PALS1: variants seen among roughly 807,000 people sequenced by gnomAD.
PALS1 encodes the protein protein PALS1.
In PALS1, 31 loss-of-function variants were observed where a neutral mutation model predicts 78.9. That is an observed-to-expected ratio of 0.39 (90% CI 0.30 to 0.53). PALS1 has a LOEUF of 0.53. PALS1 is among the 20% of genes least tolerant of loss of function. The probability of loss-of-function intolerance (pLI) is 0.67; values close to 1 mark genes in which losing one functional copy is unlikely to be tolerated. For missense variants in PALS1, 704 were observed against 826.5 expected (o/e 0.85, Z 1.82); for synonymous variants, 276 against 270.9 (o/e 1.02, Z -0.18).
At chr14:67,324,896 C>CTTTTTTT (rs2085326609) in intron 14 of PALS1, among the ~76,000 whole-genome samples, 1 of 114,454 alleles carries the variant, frequency 8.7e-6, no homozygotes, top group African/African-American at 4.0e-5. Flanking sequence ...GCCTTCCTTT[C>CTTTTTTT]ATTTTTTTTT....
chr14:67,250,369 A>ATT (rs2084048210), intron 1 of PALS1, among the ~76,000 whole-genome samples: 1 of 152,224 alleles, frequency 6.6e-6, no homozygotes, highest in Non-Finnish European at 1.5e-5. Context: ...AGACACTCAA[A>ATT]TATTTACTGA....
In PALS1 at chr14:67,312,887, C is replaced by G. The variant is rs551040007; in HGVS notation, c.1225+177C>G. Among the ~76,000 whole-genome samples, 3 of 152,228 alleles carry G rather than the reference C, an allele frequency of 2.0e-5. No individual in the cohort carries two copies. In the South Asian group the frequency reaches 6.2e-4, roughly 32 times the overall value. On this transcript the variant is annotated intron_variant, in intron 9 of 14. Transcript: ENST00000261681. ...CGTAAGTATATTAAATAGAATGTGGCCAATTCTTTGGCCTTTAGAATGGAA... is the reference window on the plus strand; with the variant it reads ...CGTAAGTATATTAAATAGAATGTGGGCAATTCTTTGGCCTTTAGAATGGAA...
At chr14:67,259,385 C>T (rs1052634919) in intron 1 of PALS1, among the ~76,000 whole-genome samples, 5 of 151,656 alleles carry the variant, frequency 3.3e-5, no homozygotes, top group Admixed American at 2.0e-4. Context: ...CCAAGGCAGG[C>T]GGATCACTTG....
chr14:67,265,814 G>T (rs144831089), intron 1 of PALS1, among the ~76,000 whole-genome samples: 1 of 147,502 alleles, frequency 6.8e-6, no homozygotes, highest in African/African-American at 2.5e-5. Context: ...CCAAAATCGC[G>T]CCACTGCACT....
intron 3 of PALS1, among the ~76,000 whole-genome samples, chr14:67,288,503 T>G (rs895555659): frequency 3.3e-5 from 5 of 152,180 alleles, no homozygotes; most frequent in African/African-American, 1.2e-4. Flanking sequence ...ACTCCATCTT[T>G]ACGAAGAAAA....
chr14:67,294,192 GT>G (rs1364382001), intron 4 of PALS1, among the ~76,000 whole-genome samples: 3 of 152,254 alleles, frequency 2.0e-5, no homozygotes, highest in African/African-American at 7.2e-5. Context: ...TTTTCTGAAA[GT>G]TTGCTTTCAC....
chr14:67,272,251 C>A (rs2084420388), intron 2 of PALS1, among the ~76,000 whole-genome samples: 1 of 152,186 alleles, frequency 6.6e-6, no homozygotes, highest in Non-Finnish European at 1.5e-5. Context: ...GTCCTATCTT[C>A]CACTACTCTC....
chr14:67,243,556 A>C (rs534687566), intron 1 of PALS1, among the ~76,000 whole-genome samples: 3 of 139,632 alleles, frequency 2.1e-5, no homozygotes, highest in Non-Finnish European at 3.0e-5. Flanking sequence ...GCAGTGGCGC[A>C]ATCTCGGCTC....
chr14:67,263,099 G>A (rs748483019), intron 1 of PALS1, among the ~76,000 whole-genome samples: 7 of 152,110 alleles, frequency 4.6e-5, no homozygotes, highest in Non-Finnish European at 8.8e-5. Context: ...TGCCATGAGC[G>A]TGTGGTCTTG....
chr14:67,328,611 G>A (rs1022729841), intron 14 of PALS1, among the ~76,000 whole-genome samples: 2 of 152,156 alleles, frequency 1.3e-5, no homozygotes. Context: ...CTGGTTTTAG[G>A]TCTAACATTT....
In PALS1 at chr14:67,302,116, T is replaced by C; in HGVS notation, c.799T>C (p.Leu267=). Residue 267 remains leucine (L), a splice_region_variant and synonymous_variant, in exon 6 of 15, where the codon TTG becomes CTG. Coordinates refer to ENST00000261681, the MANE Select transcript of PALS1 (RefSeq NM_022474.4). ...VRIEKARDIP[L]GATVRNEMDS... is the part of the protein sequence containing the mutation. ...TATAGAAAAGGCTCGTGATATTCCG[T>C]TGGTAAGTGTCCCACATACTGTTTT... 6.2e-7 allele frequency: 1 copy of C among 1,600,816 alleles called. No individual in the cohort carries two copies. Among genetic ancestry groups the C allele is most frequent in the Non-Finnish European group, 8.5e-7 (1 of 1,174,476 alleles).
At chr14:67,294,316 TAGTC>T (rs1476165419) in intron 4 of PALS1, 1 of 152,076 alleles carries the variant, frequency 6.6e-6, no homozygotes, top group East Asian at 1.9e-4. Flanking sequence ...AAAAAGCACA[TAGTC>T]AGAACTCAAC....
chr14:67,289,076 C>T (rs1254112048), intron 3 of PALS1, among the ~76,000 whole-genome samples: 1 of 150,690 alleles, frequency 6.6e-6, no homozygotes, highest in Non-Finnish European at 1.5e-5. Flanking sequence ...AAGTGATTCT[C>T]CTGCCTCAGC....
intron 2 of PALS1, among the ~76,000 whole-genome samples, chr14:67,272,902 T>G (rs140332093): frequency 1.9e-3 from 294 of 152,194 alleles, no homozygotes; most frequent in African/African-American, 7.0e-3. Flanking sequence ...CTACTAGTCT[T>G]AAGTGATCCA....
intron 4 of PALS1, among the ~76,000 whole-genome samples, chr14:67,299,540 A>G (rs1422864525): frequency 6.6e-6 from 1 of 152,224 alleles, no homozygotes; most frequent in East Asian, 1.9e-4. Context: ...GCTAAAGAAC[A>G]GTACAAGGTC....
At chr14:67,286,804 C>T (rs2084695587) in intron 3 of PALS1, among the ~76,000 whole-genome samples, 2 of 143,716 alleles carry the variant, frequency 1.4e-5, no homozygotes, top group African/African-American at 5.3e-5. Context: ...CTGCAGTGAG[C>T]TCTGATTACG....
intron 1 of PALS1, among the ~76,000 whole-genome samples, chr14:67,265,274 G>C (rs1209627497): frequency 1.3e-5 from 2 of 152,152 alleles, no homozygotes; most frequent in African/African-American, 4.8e-5. Context: ...AGTAAACCCA[G>C]AGCCTGGGCA....
chr14:67,317,127 AAT>A (rs767776713), intron 10 of PALS1, among the ~76,000 whole-genome samples: 5 of 152,244 alleles, frequency 3.3e-5, no homozygotes, highest in South Asian at 2.1e-4. Context: ...TTTCCTGAAA[AAT>A]AGTCTTTATA....
intron 3 of PALS1, among the ~76,000 whole-genome samples, chr14:67,283,821 G>A (rs2084637727): frequency 6.6e-6 from 1 of 152,154 alleles, no homozygotes; most frequent in African/African-American, 2.4e-5. Context: ...TTCAGTCTTT[G>A]ACACAATACG....
Sources: allele counts gnomAD v4.1 joint callset (sites outside exome capture counted in the v4.1 genomes callset), GRCh38; gene constraint gnomAD v4.1.1; transcripts MANE v1.5; gene names NCBI Gene and HGNC (gene_info 2026-07-23, HGNC 2026-07-21).